The following SLC24A3 variants were observed in gnomAD, a reference collection of about 807,000 sequenced individuals.
The protein encoded by SLC24A3 is solute carrier family 24 member 3.
A neutral mutation model predicts 75.8 loss-of-function variants in SLC24A3; 28 were observed. The ratio of observed to expected loss-of-function variants is 0.37; its 90% CI spans 0.27 to 0.51. The LOEUF (loss-of-function observed/expected upper bound fraction) is 0.51. Ranked by LOEUF, SLC24A3 falls within the 20% of genes least tolerant of loss-of-function variation. The probability of loss-of-function intolerance (pLI) is 0.94; values close to 1 mark genes in which losing one functional copy is unlikely to be tolerated. For missense variants in SLC24A3, 663 were observed against 847.8 expected (o/e 0.78, Z 2.71); for synonymous variants, 372 against 334.1 (o/e 1.11, Z -1.24).
At chr20:19,361,421 A>G (rs1249391665) in intron 2 of SLC24A3, among the ~76,000 whole-genome samples, 1 of 152,200 alleles carries the variant, frequency 6.6e-6, no homozygotes, top group Admixed American at 6.5e-5. Flanking sequence ...ACTTGTAAAG[A>G]GACAGTTGAC....
chr20:19,435,195 T>G (rs571805223), intron 2 of SLC24A3, among the ~76,000 whole-genome samples: 1 of 152,312 alleles, frequency 6.6e-6, no homozygotes, highest in African/African-American at 2.4e-5. Context: ...CAGAGCCAAT[T>G]ACCAGCTGCA....
intron 6 of SLC24A3, among the ~76,000 whole-genome samples, chr20:19,647,415 A>G (rs917587922): frequency 1.3e-5 from 2 of 152,236 alleles, no homozygotes; most frequent in Admixed American, 6.5e-5. Context: ...ACAAATTTGT[A>G]TCAAGTACCT....
At chr20:19,232,630 A>T (rs985481952) in intron 1 of SLC24A3, among the ~76,000 whole-genome samples, 6 of 152,256 alleles carry the variant, frequency 3.9e-5, no homozygotes, top group Non-Finnish European at 5.9e-5. Flanking sequence ...GTAGTAGTCC[A>T]GTAGCCTGCA....
At chr20:19,431,997 G>A (rs182104201) in intron 2 of SLC24A3, among the ~76,000 whole-genome samples, 76 of 152,186 alleles carry the variant, frequency 5.0e-4, no homozygotes, top group African/African-American at 1.6e-3. Context: ...AAATCTTACC[G>A]TTTTAAGGTA....
chr20:19,303,826 C>T (rs369774602), intron 2 of SLC24A3, among the ~76,000 whole-genome samples: 1 of 152,242 alleles, frequency 6.6e-6, no homozygotes, highest in East Asian at 1.9e-4. Flanking sequence ...TTCCTATCTC[C>T]CATTTTTGTG....
At chr20:19,569,282 G>C (rs2031011550) in intron 3 of SLC24A3, among the ~76,000 whole-genome samples, 2 of 152,064 alleles carry the variant, frequency 1.3e-5, no homozygotes, top group Admixed American at 6.6e-5. Flanking sequence ...TACTTGTTTT[G>C]TACAATGATT....
intron 3 of SLC24A3, among the ~76,000 whole-genome samples, chr20:19,557,398 G>A (rs1261870612): frequency 6.6e-6 from 1 of 152,096 alleles, no homozygotes; most frequent in Non-Finnish European, 1.5e-5. Flanking sequence ...TTTACACCAT[G>A]AACATCAGAA....
chr20:19,675,307 G>A (rs1433358213), intron 9 of SLC24A3, among the ~76,000 whole-genome samples: 1 of 152,216 alleles, frequency 6.6e-6, no homozygotes, highest in Non-Finnish European at 1.5e-5. Flanking sequence ...GGGCAAGAAA[G>A]TAGAAATCCA....
intron 3 of SLC24A3, among the ~76,000 whole-genome samples, chr20:19,531,939 C>G (rs984986938): frequency 6.6e-6 from 1 of 152,156 alleles, no homozygotes. Context: ...ATTATCTCCT[C>G]CATGTTAGAG....
At position 19,372,636 on chromosome 20, in the gene SLC24A3, T is replaced by A. The variant is rs540495282; in HGVS notation, c.271+91549T>A. ...AACCAAACCTTGGAGAAGCTTCCTA[T>A]GTGTTTACTAAGAATCAAATCCTGC... On this transcript the variant is annotated intron_variant, in intron 2 of 16. Coordinates refer to ENST00000328041, the MANE Select transcript of SLC24A3 (RefSeq NM_020689.4). Among the ~76,000 whole-genome samples the A allele has an allele frequency of 4.6e-5, 7 of 152,326 alleles. No individual in the cohort carries two copies. In the East Asian group the frequency reaches 1.3e-3, roughly 29 times the overall value.
chr20:19,688,082 G>A (rs1225250043), intron 12 of SLC24A3, among the ~76,000 whole-genome samples: 1 of 152,172 alleles, frequency 6.6e-6, no homozygotes, highest in Non-Finnish European at 1.5e-5. Context: ...AGGGCTCCCA[G>A]CTGCCAAGAT....
At chr20:19,447,157 C>T (rs1008990346) in intron 2 of SLC24A3, among the ~76,000 whole-genome samples, 11 of 152,300 alleles carry the variant, frequency 7.2e-5, no homozygotes, top group African/African-American at 2.2e-4. Flanking sequence ...CCTTGAGCCT[C>T]AGATTCTTTA....
intron 2 of SLC24A3, among the ~76,000 whole-genome samples, chr20:19,360,025 C>A (rs191430836): frequency 2.8e-4 from 42 of 152,272 alleles, no homozygotes; most frequent in African/African-American, 9.9e-4. Context: ...TAGCACACTC[C>A]TAGGGCCAGA....
At chr20:19,697,758 G>A (rs957644897) in intron 14 of SLC24A3, among the ~76,000 whole-genome samples, 23 of 152,114 alleles carry the variant, frequency 1.5e-4, no homozygotes, top group East Asian at 9.6e-4. Flanking sequence ...CAGTTATTCC[G>A]AAGAAGGACT....
chr20:19,502,443 T>C (rs1009531306), intron 2 of SLC24A3, among the ~76,000 whole-genome samples: 1 of 152,058 alleles, frequency 6.6e-6, no homozygotes, highest in African/African-American at 2.4e-5. Context: ...TGCAAGCCTC[T>C]AAAGTTAAAG....
chr20:19,481,978 C>T (rs943376960), intron 2 of SLC24A3, among the ~76,000 whole-genome samples: 3 of 152,146 alleles, frequency 2.0e-5, no homozygotes, highest in Admixed American at 6.5e-5. Context: ...GTCTTCCTCC[C>T]GGGTTCCCAC....
chr20:19,425,131 C>T (rs1986983959), intron 2 of SLC24A3, among the ~76,000 whole-genome samples: 1 of 152,040 alleles, frequency 6.6e-6, no homozygotes, highest in Admixed American at 6.6e-5. Flanking sequence ...GGTAAAACCC[C>T]GTCTCTACTA....
intron 3 of SLC24A3, among the ~76,000 whole-genome samples, chr20:19,527,016 C>T (rs765132174): frequency 5.3e-5 from 8 of 152,104 alleles, no homozygotes; most frequent in Non-Finnish European, 2.9e-5. Flanking sequence ...CCATGTATCA[C>T]GGCCTAGCAA....
rs571184883 is a variant in SLC24A3, at chr20:19,684,113, T to G, written c.902-63T>G. The G allele has an allele frequency of 1.1e-5, 17 of 1,549,906 alleles. No homozygotes were observed. In the South Asian group the frequency reaches 2.0e-4, roughly 18 times the overall value. ...AGAAAAGAAGGGAAGGAAGAATAAATGAATGCCTCTTTCCTGCTCCTGGCC... is the reference window on the plus strand; with the variant it reads ...AGAAAAGAAGGGAAGGAAGAATAAAGGAATGCCTCTTTCCTGCTCCTGGCC... On this transcript the variant is annotated intron_variant, in intron 10 of 16. Transcript: ENST00000328041.
Sources: allele counts gnomAD v4.1 joint callset (sites outside exome capture counted in the v4.1 genomes callset), GRCh38; gene constraint gnomAD v4.1.1; transcripts MANE v1.5; gene names NCBI Gene and HGNC (gene_info 2026-07-23, HGNC 2026-07-21).